NUMA1: variants seen among roughly 807,000 people sequenced by gnomAD.
NUMA1 encodes SP-H antigen.
In NUMA1, 62 loss-of-function variants were observed where a neutral mutation model predicts 237.1. The ratio of observed to expected loss-of-function variants is 0.26; its 90% CI spans 0.21 to 0.32. The LOEUF is 0.32. Ranked by LOEUF, NUMA1 falls within the 10% of genes least tolerant of loss-of-function variation. The probability of loss-of-function intolerance (pLI) is 1.00; values close to 1 mark genes in which losing one functional copy is unlikely to be tolerated. For synonymous variants in NUMA1, 1,028 were observed against 1,066.1 expected (o/e 0.96, Z 0.70); for missense variants, 2,533 against 2,666.5 (o/e 0.95, Z 1.10).
intron 2 of NUMA1, among the ~76,000 whole-genome samples, chr11:72,055,402 C>A (rs1017097452): frequency 6.6e-6 from 1 of 152,082 alleles, no homozygotes; most frequent in African/African-American, 2.4e-5. Context: ...CACGATGTAA[C>A]CACGGTTTTC....
chr11:72,012,953 A>C lies in NUMA1; in HGVS notation c.4550T>G (p.Val1517Gly), dbSNP rs1252263068. 2 of 1,613,922 alleles carry C rather than the reference A, an allele frequency of 1.2e-6. No individual in the cohort carries two copies. Among genetic ancestry groups the C allele is most frequent in the South Asian group, 2.2e-5 (2 of 91,060 alleles). Residue 1517 changes from valine (V) to glycine (G), a missense_variant, in exon 15 of 27, where the codon GTC becomes GGC. Val to Gly is a moderately radical substitution (Grantham distance 109). Transcript: ENST00000393695. Reference sequence around the variant, plus strand: ...CCGCTGCCTCTCCTCCAGGACCTTGACCTTGGCACCCTCATACTTGGCAGT... The same window carrying C: ...CCGCTGCCTCTCCTCCAGGACCTTGCCCTTGGCACCCTCATACTTGGCAGT... The part of the protein sequence containing the change: ...VMTAKYEGAK[V>G]KVLEERQRFQ...
chr11:72,013,359 G>A lies in NUMA1; in HGVS notation c.4144C>T (p.Arg1382Cys), dbSNP rs754657830. 56 of 1,609,556 alleles carry A rather than the reference G, an allele frequency of 3.5e-5. No homozygotes were observed. The highest frequency in any genetic ancestry group is 1.8e-4 in the East Asian group (8 of 44,854). The change falls in exon 15 of 27, where the codon CGT becomes TGT. Residue 1382 changes from arginine to cysteine, a missense_variant. Physicochemically the swap from Arg to Cys is radical, Grantham distance 180. This residue lies in a region of NUMA1 where 324 missense variants were observed against 407.6 expected (regional missense o/e 0.79). Coordinates refer to ENST00000393695, the MANE Select transcript of NUMA1 (RefSeq NM_006185.4). This position sits in a 1 kb window ranked among gnomAD's most constrained non-coding sequence, Gnocchi z 6.8. ...TGCTTGCTCTGCTCCAGCTCCTCAC[G>A]GTGGCGTTTCTCGGCAGCGGCCTGC... ...AEQAAAEKRHREELEQSKQAA... is the reference protein window; with the variant it reads ...AEQAAAEKRHCEELEQSKQAA...
chr11:72,016,323 A>G (rs2135068124), intron 14 of NUMA1, 63 bp from the exon 15 acceptor site: 1 of 1,586,422 alleles, frequency 6.3e-7, no homozygotes, highest in Admixed American at 1.7e-5. Context: ...ACTCCTCTGG[A>G]AATGGAGGAA....
At chr11:72,040,109 G>A (rs1010331499) in intron 2 of NUMA1, among the ~76,000 whole-genome samples, 14 of 152,182 alleles carry the variant, frequency 9.2e-5, no homozygotes, top group African/African-American at 2.7e-4. Context: ...TGGGTAGACC[G>A]TCTGGTCCAA....
chr11:72,041,400 T>C (rs1317604440), intron 2 of NUMA1: 1 of 152,250 alleles, frequency 6.6e-6, no homozygotes, highest in Non-Finnish European at 1.5e-5. Flanking sequence ...AGGCAAACTG[T>C]GGCATAAACA....
chr11:72,049,105 G>A (rs961596586), intron 2 of NUMA1, among the ~76,000 whole-genome samples: 2 of 152,144 alleles, frequency 1.3e-5, no homozygotes, highest in Non-Finnish European at 2.9e-5. Flanking sequence ...CTACAAAACA[G>A]CTAAGAACCT....
chr11:72,026,558 C>A (rs896945941), intron 4 of NUMA1, among the ~76,000 whole-genome samples: 5 of 152,252 alleles, frequency 3.3e-5, no homozygotes, highest in African/African-American at 1.2e-4. Context: ...AAAAGGGAAA[C>A]TTGTCAGAGG....
chr11:72,016,061 G>A lies in NUMA1; in HGVS notation c.1442C>T (p.Ala481Val). 1 of 1,614,124 alleles carries A rather than the reference G, an allele frequency of 6.2e-7. No homozygotes were observed. Among genetic ancestry groups the A allele is most frequent in the Non-Finnish European group, 8.5e-7 (1 of 1,180,020 alleles). ...GGAGGCCTGCTCCAGCTCTTCCTTG[G>A]CCTGGCTGAGGTTGGAGATGGAGCT... ...LQSSISNLSQ[A>V]KEELEQASQA... The change falls in exon 15 of 27, where the codon GCC (alanine) becomes GTC (valine). Residue 481 changes from alanine to valine, a missense_variant. By Grantham distance (64) the Ala-to-Val change is moderately conservative. Transcript: ENST00000393695.
At chr11:72,058,513 A>AT (rs1591060293) in intron 2 of NUMA1, among the ~76,000 whole-genome samples, 1 of 152,178 alleles carries the variant, frequency 6.6e-6, no homozygotes, top group African/African-American at 2.4e-5. Flanking sequence ...GGGAATGGCT[A>AT]TTTTCAGTGT....
At chr11:72,012,847 G>C in intron 15 of NUMA1, 48 bp downstream of exon 15, 1 of 1,588,154 alleles carries the variant, frequency 6.3e-7, no homozygotes, top group Non-Finnish European at 8.6e-7. Flanking sequence ...ATGTCCCCGC[G>C]CTCTCAGCTC....
rs958170443 is a variant in NUMA1 at position 72,015,497 on chromosome 11, G to A, written c.2006C>T (p.Ala669Val). 6.2e-7 allele frequency: 1 copy of A among 1,613,018 alleles called. No individual in the cohort carries two copies. ...VETARQEQHE[A>V]QAQVAELELQ... is the part of the protein sequence containing the mutation. ...CTCTAGCTCTGCAACCTGGGCCTGG[G>A]CCTCATGCTGTTCCTGGCGGGCTGT... Residue 669 changes from alanine to valine, a missense_variant, in exon 15 of 27, where the codon GCC (alanine) becomes GTC (valine). Ala to Val is a moderately conservative substitution (Grantham distance 64, BLOSUM62 0). Coordinates refer to ENST00000393695, the MANE Select transcript of NUMA1 (RefSeq NM_006185.4). This position sits in a 1 kb window ranked among gnomAD's most constrained non-coding sequence, Gnocchi z 4.0.
intron 3 of NUMA1, among the ~76,000 whole-genome samples, chr11:72,031,395 AGTT>A (rs752598892): frequency 1.3e-5 from 2 of 152,242 alleles, no homozygotes; most frequent in African/African-American, 4.8e-5. Flanking sequence ...ATTTCTTAAT[AGTT>A]AAGTTAGCTG....
At chr11:72,079,899 C>A (rs936455396) in intron 1 of NUMA1, among the ~76,000 whole-genome samples, 1 of 152,092 alleles carries the variant, frequency 6.6e-6, no homozygotes, top group Non-Finnish European at 1.5e-5. Flanking sequence ...CCCCACAAAG[C>A]ACCTTCCCCG....
At chr11:72,026,749 G>C (rs1026925928) in intron 4 of NUMA1, among the ~76,000 whole-genome samples, 18 of 152,204 alleles carry the variant, frequency 1.2e-4, no homozygotes, top group South Asian at 1.0e-3. Flanking sequence ...CTCCAACCTT[G>C]CCATCCTCTG....
intron 2 of NUMA1, among the ~76,000 whole-genome samples, chr11:72,064,449 C>A (rs1943110370): frequency 1.3e-5 from 2 of 150,534 alleles, no homozygotes; most frequent in African/African-American, 2.5e-5. Flanking sequence ...GCCTGAGTGA[C>A]AGAGCAAGGC....
intron 2 of NUMA1, among the ~76,000 whole-genome samples, chr11:72,042,304 G>A (rs1384998008): frequency 1.3e-5 from 2 of 152,168 alleles, no homozygotes; most frequent in African/African-American, 2.4e-5. Flanking sequence ...CACTCCTATA[G>A]GAAACTGTAG....
chr11:72,035,808 C>A lies in NUMA1; in HGVS notation c.42+94G>T, dbSNP rs558897919. On this transcript the variant is annotated intron_variant, in intron 3 of 26. Coordinates refer to ENST00000393695, the MANE Select transcript of NUMA1 (RefSeq NM_006185.4). ...ACTATTTAGTCTAGAAATGAGAAGA[C>A]TTTACATAGCCCTGGCTCCTACAAA... 21 of 1,139,602 alleles carry A rather than the reference C, an allele frequency of 1.8e-5. No homozygotes were observed. In the African/African-American group the frequency reaches 3.2e-4, roughly 17 times the overall value. 70.6% of individuals were successfully genotyped at this position (1,139,602 alleles called of 1,614,324 possible). A position where few individuals can be genotyped will look rare whatever the true frequency, so the allele number is the denominator to read the frequency against.
intron 16 of NUMA1, among the ~76,000 whole-genome samples, chr11:72,011,950 G>A (rs754684300): frequency 2.6e-5 from 4 of 152,120 alleles, no homozygotes; most frequent in Non-Finnish European, 4.4e-5. Flanking sequence ...GGGCTGCCTC[G>A]CATATCACCT....
At chr11:72,058,000 G>T (rs889692402) in intron 2 of NUMA1, among the ~76,000 whole-genome samples, 8 of 152,028 alleles carry the variant, frequency 5.3e-5, no homozygotes, top group African/African-American at 1.9e-4. Flanking sequence ...GAACCCAGGA[G>T]GTGGAGGTTG....
Sources: allele counts gnomAD v4.1 joint callset (sites outside exome capture counted in the v4.1 genomes callset), GRCh38; gene constraint gnomAD v4.1.1; regional missense constraint gnomAD v4.1.1; non-coding constraint Gnocchi (gnomAD v3.1); transcripts MANE v1.5; gene names NCBI Gene and HGNC (gene_info 2026-07-23, HGNC 2026-07-21).